Variants in UBE2E2 observed in about 807,000 individuals in gnomAD.
UBE2E2 encodes ubiquitin-conjugating enzyme E2 E2.
UBE2E2 carries 6 observed loss-of-function variants against 24.7 expected under a neutral mutation model. That is an observed-to-expected ratio of 0.24 (90% CI 0.13 to 0.48). The LOEUF (loss-of-function observed/expected upper bound fraction) is 0.48. Ranked by LOEUF, UBE2E2 falls within the 20% of genes least tolerant of loss-of-function variation. The pLI is 0.99. For synonymous variants in UBE2E2, 104 were observed against 83.6 expected, an observed-to-expected ratio of 1.24 and a Z score of -1.33; for missense variants, 169 against 245.0, an observed-to-expected ratio of 0.69 and a Z score of 2.07.
chr3:23,481,391 A>G lies in UBE2E2; in HGVS notation c.228-18217A>G, dbSNP rs138665585. Among the ~76,000 whole-genome samples, 62 of 152,334 alleles carry G rather than the reference A, an allele frequency of 4.1e-4. No homozygotes were observed. The East Asian group carries it at 0.012, about 29-fold the overall frequency. ...GAAATTGCTTTTTAAGAATCAGGCT[A>G]TCGTTTCTCATTTGAACTAATTAGT... On this transcript the variant is annotated intron_variant, in intron 3 of 5. Transcript: ENST00000396703.
intron 3 of UBE2E2, among the ~76,000 whole-genome samples, chr3:23,274,625 C>T (rs1472548335): frequency 1.3e-5 from 2 of 152,120 alleles, no homozygotes; most frequent in Non-Finnish European, 1.5e-5. Flanking sequence ...GAGGCACCTC[C>T]CAAAGTGCTG....
At chr3:23,319,347 G>T (rs1340664672) in intron 3 of UBE2E2, among the ~76,000 whole-genome samples, 1 of 152,102 alleles carries the variant, frequency 6.6e-6, no homozygotes. Flanking sequence ...ACAGTTATAG[G>T]TGAACAAAAT....
chr3:23,484,596 C>T (rs549663455), intron 3 of UBE2E2, among the ~76,000 whole-genome samples: 2 of 152,282 alleles, frequency 1.3e-5, no homozygotes, highest in South Asian at 4.2e-4. Flanking sequence ...CAGTGATGAG[C>T]ACTGATGCAA....
intron 3 of UBE2E2, among the ~76,000 whole-genome samples, chr3:23,438,257 C>G (rs1698225832): frequency 1.3e-5 from 2 of 152,056 alleles, no homozygotes; most frequent in Non-Finnish European, 2.9e-5. Flanking sequence ...TTCAGGTTCT[C>G]TAGAGAAAAG....
At chr3:23,571,280 C>CTTTT (rs59243406) in intron 5 of UBE2E2, among the ~76,000 whole-genome samples, 814 of 29,808 alleles carry the variant, frequency 0.027, 268 homozygotes, top group South Asian at 0.052. Flanking sequence ...GTGCTCCTTT[C>CTTTT]TTTTTTTTTT....
chr3:23,251,099 C>T (rs1324517069), intron 3 of UBE2E2, among the ~76,000 whole-genome samples: 2 of 152,180 alleles, frequency 1.3e-5, no homozygotes, highest in African/African-American at 2.4e-5. Flanking sequence ...GCTCAGTCCT[C>T]CCACCTCTGT....
At chr3:23,551,270 T>C (rs1222651833) in intron 5 of UBE2E2, among the ~76,000 whole-genome samples, 2 of 152,216 alleles carry the variant, frequency 1.3e-5, no homozygotes, top group Non-Finnish European at 2.9e-5. Context: ...AACATTTTTG[T>C]TTATAAAAGG....
chr3:23,381,010 A>G (rs2125350417), intron 3 of UBE2E2, among the ~76,000 whole-genome samples: 1 of 152,320 alleles, frequency 6.6e-6, no homozygotes, highest in Non-Finnish European at 1.5e-5. Context: ...TAGGGTCCAC[A>G]GTATTGCCAT....
At chr3:23,565,438 G>A (rs536635622) in intron 5 of UBE2E2, among the ~76,000 whole-genome samples, 6 of 135,672 alleles carry the variant, frequency 4.4e-5, no homozygotes, top group Middle Eastern at 4.0e-3. Flanking sequence ...CCAAAAATAG[G>A]CATGGCTTTT....
chr3:23,490,824 G>A (rs1034484841), intron 3 of UBE2E2, among the ~76,000 whole-genome samples: 2 of 152,192 alleles, frequency 1.3e-5, no homozygotes, highest in African/African-American at 2.4e-5. Flanking sequence ...AGGGTACAGA[G>A]TAGGTAACAA....
At chr3:23,267,065 G>A (rs993342666) in intron 3 of UBE2E2, among the ~76,000 whole-genome samples, 2 of 151,754 alleles carry the variant, frequency 1.3e-5, no homozygotes, top group African/African-American at 4.8e-5. Flanking sequence ...GTGTGTAGAG[G>A]GAAATTTATA....
At chr3:23,206,092 G>A (rs1696138034) in intron 1 of UBE2E2, among the ~76,000 whole-genome samples, 1 of 152,144 alleles carries the variant, frequency 6.6e-6, no homozygotes, top group Non-Finnish European at 1.5e-5. Context: ...TCATGGAATG[G>A]ATTGCTCCTG....
At chr3:23,483,118 T>C (rs1699290553) in intron 3 of UBE2E2, among the ~76,000 whole-genome samples, 1 of 152,220 alleles carries the variant, frequency 6.6e-6, no homozygotes, top group East Asian at 1.9e-4. Context: ...ATTGCTGCTA[T>C]GGTCTTCTGT....
chr3:23,353,346 C>T (rs1323032835), intron 3 of UBE2E2, among the ~76,000 whole-genome samples: 5 of 151,998 alleles, frequency 3.3e-5, no homozygotes, highest in Non-Finnish European at 7.4e-5. Flanking sequence ...TGCCCTCTCT[C>T]ACCACTCCTA....
chr3:23,272,251 C>A (rs1329442525), intron 3 of UBE2E2, among the ~76,000 whole-genome samples: 1 of 152,202 alleles, frequency 6.6e-6, no homozygotes, highest in Non-Finnish European at 1.5e-5. Context: ...CGCTCCCTGG[C>A]CTGGGTGCTA....
chr3:23,542,683 A>G (rs1380875619), intron 5 of UBE2E2, among the ~76,000 whole-genome samples: 3 of 152,200 alleles, frequency 2.0e-5, no homozygotes, highest in African/African-American at 7.2e-5. Context: ...TCTTATACAA[A>G]TAATACCTGC....
At chr3:23,230,013 T>C (rs1696931575) in intron 3 of UBE2E2, among the ~76,000 whole-genome samples, 1 of 152,170 alleles carries the variant, frequency 6.6e-6, no homozygotes, top group Non-Finnish European at 1.5e-5. Context: ...TAGGTATTTA[T>C]GTTGTGTATG....
At chr3:23,559,448 T>C (rs1266340166) in intron 5 of UBE2E2, among the ~76,000 whole-genome samples, 1 of 152,208 alleles carries the variant, frequency 6.6e-6, no homozygotes, top group Non-Finnish European at 1.5e-5. Flanking sequence ...ACTAGAGATT[T>C]GAACTTCGTA....
intron 3 of UBE2E2, among the ~76,000 whole-genome samples, chr3:23,426,506 G>A (rs774463546): frequency 5.3e-5 from 8 of 151,892 alleles, no homozygotes; most frequent in Admixed American, 2.0e-4. Flanking sequence ...AGCCTGATGG[G>A]GTGTGCAGGG....
Sources: allele counts gnomAD v4.1 joint callset (sites outside exome capture counted in the v4.1 genomes callset), GRCh38; gene constraint gnomAD v4.1.1; transcripts MANE v1.5; gene names NCBI Gene and HGNC (gene_info 2026-07-23, HGNC 2026-07-21).